The following TMEM132D variants were observed in gnomAD, a reference collection of about 807,000 sequenced individuals.
TMEM132D encodes the protein transmembrane protein 132D.
Under a neutral mutation model 62.3 loss-of-function variants are expected in TMEM132D, and 21 were observed. The ratio of observed to expected loss-of-function variants is 0.34; its 90% CI spans 0.24 to 0.49. TMEM132D has a LOEUF of 0.49. TMEM132D is among the 20% of genes least tolerant of loss of function. The pLI is 0.99. For synonymous variants in TMEM132D, 621 were observed against 575.6 expected, an observed-to-expected ratio of 1.08 and a Z score of -1.13; for missense variants, 1,346 against 1,402.8, an observed-to-expected ratio of 0.96 and a Z score of 0.65.
At chr12:129,075,619 G>C (rs2135606578) in intron 8 of TMEM132D, among the ~76,000 whole-genome samples, 1 of 152,344 alleles carries the variant, frequency 6.6e-6, no homozygotes, top group South Asian at 2.1e-4. Context: ...TGCAGGAGTG[G>C]ATCTGTCCTG....
chr12:129,498,822 C>T (rs970979048), intron 3 of TMEM132D, among the ~76,000 whole-genome samples: 1 of 152,108 alleles, frequency 6.6e-6, no homozygotes, highest in African/African-American at 2.4e-5. Context: ...TATAGGACTA[C>T]TACATTATGG....
intron 2 of TMEM132D, among the ~76,000 whole-genome samples, chr12:129,581,576 C>T (rs1005299109): frequency 1.3e-5 from 2 of 152,132 alleles, no homozygotes; most frequent in Admixed American, 1.3e-4. Context: ...GAACATGCAG[C>T]CTGATGTTTA....
chr12:129,146,933 G>C lies in TMEM132D; in HGVS notation c.1444-62231C>G, dbSNP rs530162232. 1.5e-3 allele frequency among the ~76,000 whole-genome samples: 235 copies of C among 152,218 alleles called. 2 individuals carry two copies. Among genetic ancestry groups the C allele is most frequent in the African/African-American group, 5.3e-3 (220 of 41,518 alleles). On this transcript the variant is annotated intron_variant, in intron 5 of 8. Transcript: ENST00000422113. ...CAGAGGAATGAAGAAACTGGCCAAA[G>C]GTCACACGGTGAACGCGTGGGCATT...
chr12:129,271,281 C>T (rs774789880), intron 4 of TMEM132D, among the ~76,000 whole-genome samples: 3 of 149,652 alleles, frequency 2.0e-5, no homozygotes, highest in Non-Finnish European at 2.9e-5. Context: ...GTCTCAGCTT[C>T]GTAACACCAA....
At chr12:129,098,616 T>C (rs1370975211) in intron 5 of TMEM132D, among the ~76,000 whole-genome samples, 1 of 152,168 alleles carries the variant, frequency 6.6e-6, no homozygotes, top group Non-Finnish European at 1.5e-5. Context: ...ATAAAGAACC[T>C]TGAGACTCTG....
At chr12:129,484,427 T>G (rs1417506204) in intron 3 of TMEM132D, among the ~76,000 whole-genome samples, 1 of 152,250 alleles carries the variant, frequency 6.6e-6, no homozygotes, top group Non-Finnish European at 1.5e-5. Context: ...GCTCCCTTGA[T>G]TCATATTTTT....
chr12:129,319,785 G>C (rs1306409182), intron 4 of TMEM132D, among the ~76,000 whole-genome samples: 1 of 152,180 alleles, frequency 6.6e-6, no homozygotes, highest in Non-Finnish European at 1.5e-5. Context: ...GTCCTTTCCT[G>C]TTCCAAATGT....
chr12:129,115,464 C>T (rs569717705), intron 5 of TMEM132D, among the ~76,000 whole-genome samples: 1 of 152,266 alleles, frequency 6.6e-6, no homozygotes, highest in South Asian at 2.1e-4. Flanking sequence ...ACTGCTTGTT[C>T]AGGTGCAGGC....
chr12:129,323,094 A>T (rs926535256), intron 4 of TMEM132D, among the ~76,000 whole-genome samples: 1 of 152,212 alleles, frequency 6.6e-6, no homozygotes. Flanking sequence ...TTCTGTAAAA[A>T]GTCACTTTGA....
chr12:129,815,363 T>C (rs1872314798), intron 1 of TMEM132D, among the ~76,000 whole-genome samples: 1 of 152,140 alleles, frequency 6.6e-6, no homozygotes, highest in African/African-American at 2.4e-5. Context: ...TTAAGCAACA[T>C]AATAAATAAG....
intron 2 of TMEM132D, among the ~76,000 whole-genome samples, chr12:129,534,881 A>C (rs545128223): frequency 6.6e-6 from 1 of 152,318 alleles, no homozygotes; most frequent in Admixed American, 6.5e-5. Context: ...ACATTTCTGA[A>C]TCTGGTTCTC....
At chr12:129,622,675 C>T (rs2137160592) in intron 2 of TMEM132D, among the ~76,000 whole-genome samples, 1 of 152,304 alleles carries the variant, frequency 6.6e-6, no homozygotes, top group East Asian at 1.9e-4. Flanking sequence ...TGCAGACATG[C>T]TTGGTTTCAT....
intron 1 of TMEM132D, among the ~76,000 whole-genome samples, chr12:129,748,177 C>T (rs1869878005): frequency 1.3e-5 from 2 of 152,102 alleles, no homozygotes; most frequent in South Asian, 4.1e-4. Flanking sequence ...GCAACAATGG[C>T]CATCTCTGCC....
At chr12:129,081,722 G>C (rs555828846) in intron 7 of TMEM132D, 37 bp downstream of exon 7, 31 of 1,536,422 alleles carry the variant, frequency 2.0e-5, no homozygotes, top group Admixed American at 1.2e-4. Context: ...GGAAGACAGA[G>C]AGATCTTGAT....
chr12:129,902,891 C>T (rs750921150), intron 1 of TMEM132D, among the ~76,000 whole-genome samples: 51 of 152,382 alleles, frequency 3.3e-4, no homozygotes, highest in Non-Finnish European at 2.8e-4. Context: ...TCATCTCAAT[C>T]CCCTCCTCCC....
At chr12:129,411,304 T>C (rs995489399) in intron 3 of TMEM132D, among the ~76,000 whole-genome samples, 5 of 152,210 alleles carry the variant, frequency 3.3e-5, no homozygotes, top group African/African-American at 4.8e-5. Context: ...ATCTTTGTTA[T>C]GTTCCTGACT....
chr12:129,643,361 C>A (rs558118317), intron 2 of TMEM132D, among the ~76,000 whole-genome samples: 2 of 152,282 alleles, frequency 1.3e-5, no homozygotes, highest in Non-Finnish European at 2.9e-5. Flanking sequence ...CAAACCCAGC[C>A]CACCGCCTGC....
intron 2 of TMEM132D, among the ~76,000 whole-genome samples, chr12:129,623,774 C>CAT (rs1364159501): frequency 1.5e-3 from 220 of 149,476 alleles, no homozygotes; most frequent in African/African-American, 5.0e-3. Context: ...TATATATACA[C>CAT]ATATATATAT....
chr12:129,258,642 G>A lies in TMEM132D; in HGVS notation c.1300-48979C>T, dbSNP rs555756718. Among the ~76,000 whole-genome samples, 11 of 152,308 alleles carry A rather than the reference G, an allele frequency of 7.2e-5. 1 individual carries two copies. The South Asian group carries it at 8.3e-4, about 11-fold the overall frequency. On this transcript the variant is annotated intron_variant, in intron 4 of 8. Coordinates refer to ENST00000422113, the MANE Select transcript of TMEM132D (RefSeq NM_133448.3). ...GACAGGCATTTTGCTAGTCAGTCAC[G>A]TAATATGTGTGGCTGGCTTTGCATG... is the stretch of plus-strand genomic sequence containing the variant.
Sources: gnomAD v4.1 joint callset for allele counts (sites outside exome capture counted in the v4.1 genomes callset) on GRCh38, gnomAD v4.1.1 for gene constraint, MANE v1.5 for transcripts, NCBI Gene and HGNC (gene_info 2026-07-23, HGNC 2026-07-21) for gene names.